The following FAM110B variants were observed in gnomAD, a reference collection of about 807,000 sequenced individuals.
FAM110B encodes the protein family with sequence similarity 110 member B.
Under a neutral mutation model 20.4 loss-of-function variants are expected in FAM110B, and 6 were observed. The ratio of observed to expected loss-of-function variants is 0.29; its 90% CI spans 0.16 to 0.58. FAM110B has a LOEUF of 0.58. Ranked by LOEUF, FAM110B falls within the 20% of genes least tolerant of loss-of-function variation. FAM110B has a pLI of 0.90. For missense variants in FAM110B, 434 were observed against 498.2 expected (o/e 0.87, Z 1.23); for synonymous variants, 226 against 214.1 (o/e 1.06, Z -0.49).
intron 1 of FAM110B, among the ~76,000 whole-genome samples, chr8:58,000,611 C>T (rs1045928661): frequency 6.6e-6 from 1 of 152,214 alleles, no homozygotes; most frequent in Admixed American, 6.5e-5. Context: ...TTTAGTCACA[C>T]ACGTGCCCAG....
At chr8:58,013,052 C>T (rs181114458) in intron 1 of FAM110B, among the ~76,000 whole-genome samples, 4 of 152,178 alleles carry the variant, frequency 2.6e-5, no homozygotes, top group Admixed American at 6.5e-5. Context: ...GTCAAATCCT[C>T]CTTCCCCCCA....
At chr8:58,027,140 A>G (rs554114652) in intron 1 of FAM110B, among the ~76,000 whole-genome samples, 1 of 152,212 alleles carries the variant, frequency 6.6e-6, no homozygotes, top group Non-Finnish European at 1.5e-5. Flanking sequence ...TTATCCCTTT[A>G]CATTGAAGAA....
chr8:58,040,708 A>G (rs1228725086), intron 2 of FAM110B, among the ~76,000 whole-genome samples: 3 of 152,200 alleles, frequency 2.0e-5, no homozygotes, highest in African/African-American at 4.8e-5. Context: ...TTGAAAATCT[A>G]GAGACTTACA....
intron 3 of FAM110B, among the ~76,000 whole-genome samples, chr8:58,140,481 C>A (rs1039154899): frequency 6.6e-6 from 1 of 152,160 alleles, no homozygotes; most frequent in African/African-American, 2.4e-5. Context: ...GAACCATAGG[C>A]AGTGCCATAT....
At chr8:58,017,131 C>T (rs966111246) in intron 1 of FAM110B, among the ~76,000 whole-genome samples, 1 of 152,186 alleles carries the variant, frequency 6.6e-6, no homozygotes, top group Non-Finnish European at 1.5e-5. Context: ...GCTTCTCAGT[C>T]ATGCAGCTTG....
At chr8:58,052,756 G>C (rs1190104533) in intron 2 of FAM110B, among the ~76,000 whole-genome samples, 1 of 146,638 alleles carries the variant, frequency 6.8e-6, no homozygotes, top group Admixed American at 6.8e-5. Flanking sequence ...ATAGAGTGTG[G>C]TGAGAGTGAT....
At chr8:58,011,919 G>A (rs549079438) in intron 1 of FAM110B, among the ~76,000 whole-genome samples, 1 of 152,156 alleles carries the variant, frequency 6.6e-6, no homozygotes, top group Non-Finnish European at 1.5e-5. Context: ...AATCACCTTC[G>A]TGACTGAGTA....
In FAM110B at chr8:58,047,335, C is replaced by T. The variant is rs190287909; in HGVS notation, c.-414+15632C>T. ...AAATATTAAGTACCTGAAGCCTTTGCTCTGAGGTCTGTGTTGGGGGAGGAT... is the reference window on the plus strand; with the variant it reads ...AAATATTAAGTACCTGAAGCCTTTGTTCTGAGGTCTGTGTTGGGGGAGGAT... On this transcript the variant is annotated intron_variant, in intron 2 of 3. Coordinates refer to ENST00000519262, the MANE Select transcript of FAM110B (RefSeq NM_001377989.1). Among the ~76,000 whole-genome samples, 39 of 152,214 alleles carry T rather than the reference C, an allele frequency of 2.6e-4. 2 individuals are homozygous for T. Among genetic ancestry groups the T allele is most frequent in the Admixed American group, 2.4e-3 (37 of 15,294 alleles).
chr8:58,067,078 C>G (rs1380239244), intron 2 of FAM110B, among the ~76,000 whole-genome samples: 2 of 152,214 alleles, frequency 1.3e-5, no homozygotes, highest in Admixed American at 1.3e-4. Flanking sequence ...GGAACCCTGG[C>G]TTTCAACAGA....
chr8:58,010,179 G>A (rs1265239455), intron 1 of FAM110B, among the ~76,000 whole-genome samples: 1 of 150,170 alleles, frequency 6.7e-6, no homozygotes, highest in Non-Finnish European at 1.5e-5. Flanking sequence ...ATGACGCCCT[G>A]CTAGTTTTTT....
chr8:58,141,167 T>C (rs1482180266), intron 3 of FAM110B, among the ~76,000 whole-genome samples: 2 of 152,188 alleles, frequency 1.3e-5, no homozygotes, highest in Admixed American at 6.6e-5. Flanking sequence ...CAGAGTCAAG[T>C]TGGAACCTGA....
intron 2 of FAM110B, among the ~76,000 whole-genome samples, chr8:58,055,697 A>G (rs1353180331): frequency 2.0e-5 from 3 of 152,190 alleles, no homozygotes; most frequent in Admixed American, 1.3e-4. Flanking sequence ...TCCTAGTCAA[A>G]TGAAGCATCC....
At chr8:58,060,848 T>C (rs1054847771) in intron 2 of FAM110B, among the ~76,000 whole-genome samples, 2 of 152,100 alleles carry the variant, frequency 1.3e-5, no homozygotes, top group African/African-American at 4.8e-5. Context: ...ACCTAGGGCC[T>C]CTCAAGCATG....
intron 1 of FAM110B, among the ~76,000 whole-genome samples, chr8:58,018,081 T>C (rs1055729148): frequency 6.6e-6 from 1 of 152,166 alleles, no homozygotes; most frequent in Non-Finnish European, 1.5e-5. Context: ...TGTGAAAAAA[T>C]GTGTAATTTA....
chr8:58,136,353 T>TA (rs1803615303), intron 3 of FAM110B, among the ~76,000 whole-genome samples: 1 of 152,060 alleles, frequency 6.6e-6, no homozygotes, highest in Non-Finnish European at 1.5e-5. Context: ...GACTAGTCTG[T>TA]AAAAAATGAC....
chr8:58,084,761 A>G (rs1806290486), intron 3 of FAM110B, among the ~76,000 whole-genome samples: 1 of 150,340 alleles, frequency 6.7e-6, no homozygotes, highest in African/African-American at 2.5e-5. Context: ...CTCCATCCCC[A>G]GATAGAATGG....
At chr8:58,118,182 T>C (rs1371665360) in intron 3 of FAM110B, among the ~76,000 whole-genome samples, 1 of 152,228 alleles carries the variant, frequency 6.6e-6, no homozygotes, top group Non-Finnish European at 1.5e-5. Context: ...CAATTCAATA[T>C]ATTTCTTCTC....
chr8:58,098,429 T>G (rs1462938703), intron 3 of FAM110B, among the ~76,000 whole-genome samples: 6 of 152,222 alleles, frequency 3.9e-5, no homozygotes, highest in African/African-American at 1.4e-4. Flanking sequence ...GACTTCAGAC[T>G]GCTGTGCTGG....
At chr8:58,139,724 G>A (rs889223916) in intron 3 of FAM110B, among the ~76,000 whole-genome samples, 3 of 152,096 alleles carry the variant, frequency 2.0e-5, no homozygotes, top group Admixed American at 6.5e-5. Flanking sequence ...TCAGGAGATC[G>A]AGACCATCCT....
Sources: allele counts gnomAD v4.1 joint callset (sites outside exome capture counted in the v4.1 genomes callset), GRCh38; gene constraint gnomAD v4.1.1; transcripts MANE v1.5; gene names NCBI Gene and HGNC (gene_info 2026-07-23, HGNC 2026-07-21).